Variants in PIK3IP1 observed in about 807,000 individuals in gnomAD.
PIK3IP1 encodes phosphoinositide-3-kinase-interacting protein 1.
A neutral mutation model predicts 30.7 loss-of-function variants in PIK3IP1; 28 were observed. That is an observed-to-expected ratio of 0.91 (90% CI 0.68 to 1.25). The LOEUF (loss-of-function observed/expected upper bound fraction) is 1.25. Ranked by LOEUF, PIK3IP1 falls within the 50% of genes most tolerant of loss-of-function variation. PIK3IP1 has a pLI of 0.00. For missense variants in PIK3IP1, 333 were observed against 346.2 expected (o/e 0.96, Z 0.30); for synonymous variants, 159 against 140.8 (o/e 1.13, Z -0.91).
Position 31,290,945 on chromosome 22 carries a change from C to T in PIK3IP1, c.307+20G>A, listed in dbSNP as rs990080251. 6.5e-6 allele frequency: 10 copies of T among 1,549,472 alleles called. No individual in the cohort carries two copies. Among genetic ancestry groups the T allele is most frequent in the African/African-American group, 2.9e-5 (2 of 69,240 alleles). On this transcript the variant is annotated intron_variant, in intron 3 of 5. Coordinates refer to ENST00000215912, the MANE Select transcript of PIK3IP1 (RefSeq NM_052880.5). ...CTGTCAGCGCCAGGAGCGGGGATTC[C>T]CGGGGTCCCGGGCAGGTACCTGGAC...
intron 3 of PIK3IP1, chr22:31,289,903 G>A (rs1365719978): frequency 3.8e-6 from 2 of 525,546 alleles, no homozygotes; most frequent in Non-Finnish European, 6.8e-6. Context: ...AATGAGAGAG[G>A]AAGGCCGTAG....
intron 4 of PIK3IP1, 28 bp downstream of exon 4, chr22:31,289,471 C>G (rs945108357): frequency 1.2e-5 from 19 of 1,547,198 alleles, no homozygotes; most frequent in Non-Finnish European, 1.6e-5. Context: ...TGAATCCCAA[C>G]GAGGGCAGGG....
At position 31,281,757 on chromosome 22, in the gene PIK3IP1, C is replaced by T. The variant is rs2049090946; in HGVS notation, c.*1327G>A. On this transcript the variant is annotated 3_prime_UTR_variant, in exon 6 of 6. Coordinates refer to ENST00000215912, the MANE Select transcript of PIK3IP1 (RefSeq NM_052880.5). ...TCCAGCATCACTAACACCAAGAGAC[C>T]ACCTGAGGTCTAGGTCCCCAAAGCA... 1 of 152,612 alleles carries T rather than the reference C, an allele frequency of 6.6e-6. No homozygotes were observed. Among genetic ancestry groups the T allele is most frequent in the African/African-American group, 2.4e-5 (1 of 41,442 alleles). 9.5% of individuals were successfully genotyped at this position (152,612 alleles called of 1,614,324 possible). A position where few individuals can be genotyped will look rare whatever the true frequency, so the allele number is the denominator to read the frequency against.
chr22:31,287,957 C>T (rs975809916), intron 5 of PIK3IP1, among the ~76,000 whole-genome samples: 1 of 152,110 alleles, frequency 6.6e-6, no homozygotes, highest in Non-Finnish European at 1.5e-5. Context: ...ATGTTTGCTA[C>T]TGCTGTTATT....
chr22:31,291,126 G>A lies in PIK3IP1; in HGVS notation c.188-42C>T, dbSNP rs756534213. ...GGAAATGTGTGCCGGGGCTGGCACC[G>A]GGAACGCGGCCGCCGCCCGCCAGCC... is the stretch of plus-strand genomic sequence containing the variant. On this transcript the variant is annotated intron_variant, in intron 2 of 5. Transcript: ENST00000215912. 5.9e-6 allele frequency: 9 copies of A among 1,538,046 alleles called. No homozygotes were observed. In the South Asian group the frequency reaches 1.1e-4, roughly 18 times the overall value.
intron 5 of PIK3IP1, among the ~76,000 whole-genome samples, chr22:31,285,008 T>C (rs1385380760): frequency 6.6e-6 from 1 of 152,156 alleles, no homozygotes; most frequent in East Asian, 1.9e-4. Context: ...GACTGCTTGC[T>C]CCAAGGCCAG....
Position 31,283,112 on chromosome 22 carries a change from A to T in PIK3IP1, c.764T>A (p.Met255Lys), listed in dbSNP as rs541212641. The T allele has an allele frequency of 3.9e-5, 63 of 1,609,970 alleles. 2 individuals carry two copies. In the South Asian group the frequency reaches 6.6e-4, roughly 17 times the overall value. Residue 255 changes from methionine (M) to lysine (K), a missense_variant, in exon 6 of 6, where the codon ATG (methionine) becomes AAG (lysine). Met to Lys is a moderately conservative substitution (Grantham distance 95, BLOSUM62 -1). This residue lies in a region of PIK3IP1 where 217 missense variants were observed against 227.7 expected (regional missense o/e 0.95). Transcript: ENST00000215912. Reference sequence around the variant, plus strand: ...GGCCCCAGGAGTCCCGGCCTGGCCCATAAGGGGGGTGGTGCCCTCCTGAGG... The same window carrying T: ...GGCCCCAGGAGTCCCGGCCTGGCCCTTAAGGGGGGTGGTGCCCTCCTGAGG... ...VDPQEGTTPL[M>K]GQAGTPGA
intron 5 of PIK3IP1, among the ~76,000 whole-genome samples, chr22:31,284,539 G>A (rs1436261340): frequency 1.3e-5 from 2 of 152,194 alleles, no homozygotes; most frequent in African/African-American, 4.8e-5. Flanking sequence ...TCCCTTGGGT[G>A]ACCTTTGAGA....
At chr22:31,289,059 A>G in intron 5 of PIK3IP1, 1 of 580,826 alleles carries the variant, frequency 1.7e-6, no homozygotes. Flanking sequence ...TGTGACTTTG[A>G]GCAAGTCTCT....
At chr22:31,291,151 C>T in intron 2 of PIK3IP1, 29 bp downstream of exon 2, 1 of 1,539,038 alleles carries the variant, frequency 6.5e-7, no homozygotes, top group Non-Finnish European at 8.7e-7. Context: ...GCCCGCCAGC[C>T]CCGGGGCCGT....
chr22:31,289,090 TA>T, intron 5 of PIK3IP1: 1 of 594,950 alleles, frequency 1.7e-6, no homozygotes, highest in Non-Finnish European at 3.0e-6. Flanking sequence ...TCTTCATTTG[TA>T]AAATGCGGAA....
At chr22:31,290,085 C>T (rs2123891443) in intron 3 of PIK3IP1, 1 of 172,378 alleles carries the variant, frequency 5.8e-6, no homozygotes, top group Non-Finnish European at 1.2e-5. Context: ...TGTGCCAGTC[C>T]TTAGGTAAAA....
intron 5 of PIK3IP1, among the ~76,000 whole-genome samples, chr22:31,288,650 G>C (rs1014328141): frequency 3.3e-5 from 5 of 152,226 alleles, no homozygotes; most frequent in African/African-American, 1.2e-4. Flanking sequence ...CGGACATCTC[G>C]TGGGACCTTT....
chr22:31,290,944 C>G (rs771352902), intron 3 of PIK3IP1, 21 bp downstream of exon 3: 1 of 1,549,180 alleles, frequency 6.5e-7, no homozygotes, highest in African/African-American at 1.4e-5. Context: ...AGCGGGGATT[C>G]CCGGGGTCCC....
chr22:31,290,777 C>T (rs2123892439), intron 3 of PIK3IP1, 188 bp downstream of exon 3: 1 of 818,444 alleles, frequency 1.2e-6, no homozygotes, highest in African/African-American at 1.8e-5. Context: ...GGCGGATGAG[C>T]TCATACGAGT....
In PIK3IP1 at chr22:31,292,452, G is replaced by C. The variant is rs945376441; in HGVS notation, c.-108C>G. Reference sequence around the variant, plus strand: ...CAGCCTTGCAGTCAGACCTGCCCTTGTTATGCTGTTCTGGTAAACAGCCTC... The same window carrying C: ...CAGCCTTGCAGTCAGACCTGCCCTTCTTATGCTGTTCTGGTAAACAGCCTC... On this transcript the variant is annotated 5_prime_UTR_variant, in exon 1 of 6. Coordinates refer to ENST00000215912, the MANE Select transcript of PIK3IP1 (RefSeq NM_052880.5). 54 of 842,260 alleles carry C rather than the reference G, an allele frequency of 6.4e-5. No homozygotes were observed. In the African/African-American group the frequency reaches 8.0e-4, roughly 13 times the overall value. 52.2% of individuals were successfully genotyped at this position (842,260 alleles called of 1,614,324 possible).
rs988343948 is a variant in PIK3IP1 at position 31,291,193 on chromosome 22, C to A, written c.174G>T (p.Ser58=). Residue 58 remains serine (S), a synonymous_variant, in exon 2 of 6, where the codon TCG becomes TCT. Transcript: ENST00000215912. ...GAGGACACTTACCCGACACGGGGGC[C>A]GAGGCCAGCCCGCTCTGCGCGTCCA... The part of the protein sequence containing the change: ...NWLDAQSGLA[S]APVSGAGNHS... 1 of 1,547,378 alleles carries A rather than the reference C, an allele frequency of 6.5e-7. No individual in the cohort carries two copies. The highest frequency in any genetic ancestry group is 8.7e-7 in the Non-Finnish European group (1 of 1,145,624).
chr22:31,284,845 C>A (rs1470778968), intron 5 of PIK3IP1, among the ~76,000 whole-genome samples: 2 of 152,160 alleles, frequency 1.3e-5, no homozygotes, highest in Non-Finnish European at 2.9e-5. Context: ...AAAGACCCGG[C>A]CAGGCTGAGC....
At chr22:31,290,764 C>T in intron 3 of PIK3IP1, 3 of 729,472 alleles carry the variant, frequency 4.1e-6, no homozygotes, top group Non-Finnish European at 6.1e-6. Context: ...TACAAGCGCT[C>T]GCGGCGGATG....
Sources: gnomAD v4.1 joint callset for allele counts (sites outside exome capture counted in the v4.1 genomes callset) on GRCh38, gnomAD v4.1.1 for gene constraint, gnomAD v4.1.1 regional missense constraint, MANE v1.5 for transcripts, NCBI Gene and HGNC (gene_info 2026-07-23, HGNC 2026-07-21) for gene names.